Variants in SHANK2 observed in about 807,000 individuals in gnomAD.
SHANK2 encodes the protein SH3 and multiple ankyrin repeat domains protein 2.
A neutral mutation model predicts 133.7 loss-of-function variants in SHANK2; 43 were observed. That is an observed-to-expected ratio of 0.32 (90% confidence interval 0.25 to 0.41). The LOEUF (loss-of-function observed/expected upper bound fraction) is 0.41, where lower values mean the gene tolerates loss of function less well. Among genes scored for constraint, SHANK2 ranks in the 10% least tolerant of loss-of-function variants. The pLI is 1.00. For missense variants in SHANK2, 1,994 were observed against 2,235.8 expected, an observed-to-expected ratio of 0.89 and a Z score of 2.18; for synonymous variants, 1,017 against 952.8, an observed-to-expected ratio of 1.07 and a Z score of -1.24.
intron 2 of SHANK2, among the ~76,000 whole-genome samples, chr11:71,150,901 A>G (rs71473814): frequency 6.6e-6 from 1 of 152,144 alleles, no homozygotes; most frequent in Non-Finnish European, 1.5e-5. Flanking sequence ...AATGGGCTTT[A>G]TAAGAATCCT....
At chr11:70,876,426 A>G (rs1260762553) in intron 11 of SHANK2, among the ~76,000 whole-genome samples, 3 of 149,976 alleles carry the variant, frequency 2.0e-5, no homozygotes, top group Non-Finnish European at 4.5e-5. Context: ...TGGGCGTGGT[A>G]TCGGGCACCT....
At chr11:70,713,368 C>T (rs577739723) in intron 14 of SHANK2, among the ~76,000 whole-genome samples, 6 of 152,354 alleles carry the variant, frequency 3.9e-5, no homozygotes, top group South Asian at 2.1e-4. Context: ...AAGAAGAACA[C>T]GGGTTACAGT....
intron 11 of SHANK2, among the ~76,000 whole-genome samples, chr11:70,862,122 G>A (rs1949269135): frequency 6.6e-6 from 1 of 152,208 alleles, no homozygotes; most frequent in East Asian, 1.9e-4. Flanking sequence ...GGCTGTCTCT[G>A]TTTCAGCTGA....
Position 70,882,224 on chromosome 11 carries a change from T to C in SHANK2, c.1174+14277A>G, listed in dbSNP as rs1333090396. ...AAGGAATGAGCAAGGGAGAAGGAAG[T>C]GGAGGAGAGAAGAACGGGTGGCTCT... is the stretch of plus-strand genomic sequence containing the variant. On this transcript the variant is annotated intron_variant, in intron 11 of 25. Coordinates refer to ENST00000601538, the MANE Select transcript of SHANK2 (RefSeq NM_012309.5). This position sits in a 1 kb window ranked among gnomAD's most constrained non-coding sequence, Gnocchi z 4.2. Among the ~76,000 whole-genome samples the C allele has an allele frequency of 6.6e-6, 1 of 150,966 alleles. No homozygotes were observed. Among genetic ancestry groups the C allele is most frequent in the African/African-American group, 2.4e-5 (1 of 40,968 alleles).
At position 70,797,467 on chromosome 11, in the gene SHANK2, A is replaced by G. The variant is rs1272427400; in HGVS notation, c.1777+976T>C. 4.6e-5 allele frequency among the ~76,000 whole-genome samples: 7 copies of G among 152,008 alleles called. 1 individual carries two copies. Among genetic ancestry groups the G allele is most frequent in the Admixed American group, 2.6e-4 (4 of 15,262 alleles). ...TTGAAGCCAAGATCTCAGACAGAAA[A>G]CCTACTGAGCCTCCCTGCTAGAGAC... On this transcript the variant is annotated intron_variant, in intron 14 of 25. Coordinates refer to ENST00000601538, the MANE Select transcript of SHANK2 (RefSeq NM_012309.5).
intron 3 of SHANK2, among the ~76,000 whole-genome samples, chr11:71,141,338 CAAA>C (rs141530384): frequency 4.1e-5 from 6 of 144,664 alleles, no homozygotes; most frequent in South Asian, 2.2e-4. Flanking sequence ...ACTAAAAATA[CAAA>C]AAAAAAAAAA....
At chr11:71,167,963 G>A (rs1565491436) in intron 2 of SHANK2, among the ~76,000 whole-genome samples, 1 of 145,398 alleles carries the variant, frequency 6.9e-6, no homozygotes, top group Non-Finnish European at 1.5e-5. Flanking sequence ...TGGCTGCCGG[G>A]CAGAGAAGCT....
At chr11:70,844,642 T>C (rs536029133) in intron 11 of SHANK2, among the ~76,000 whole-genome samples, 2 of 152,306 alleles carry the variant, frequency 1.3e-5, no homozygotes, top group South Asian at 2.1e-4. Flanking sequence ...GCTGTTCTTT[T>C]ACATGACAAA....
chr11:70,486,060 C>T lies in SHANK2; in HGVS notation c.4233G>A (p.Leu1411=), dbSNP rs1555153235. The T allele has an allele frequency of 3.1e-6, 5 of 1,614,016 alleles. No homozygotes were observed. Among genetic ancestry groups the T allele is most frequent in the Non-Finnish European group, 4.2e-6 (5 of 1,180,006 alleles). The stretch of plus-strand genomic sequence containing the variant: ...TATTTGCAAATTCCAGGGGAGGAGG[C>T]AATGGCTCTGTAAAAATAAAATCCT... The part of the protein sequence containing the change: ...LDEDFIFTEP[L]PPPLEFANSF... Residue 1411 remains leucine, a synonymous_variant, in exon 25 of 26, where the codon TTG becomes TTA. Transcript: ENST00000601538. This position sits in a 1 kb window ranked among gnomAD's most constrained non-coding sequence, Gnocchi z 8.0.
chr11:70,910,158 G>A (rs1222423794), intron 10 of SHANK2, among the ~76,000 whole-genome samples: 1 of 152,114 alleles, frequency 6.6e-6, no homozygotes, highest in African/African-American at 2.4e-5. Flanking sequence ...CTCTTCAAAG[G>A]TCCCATCTCC....
chr11:70,866,661 G>C (rs1248427566), intron 11 of SHANK2, among the ~76,000 whole-genome samples: 2 of 152,142 alleles, frequency 1.3e-5, no homozygotes, highest in African/African-American at 4.8e-5. Context: ...ATCTCAGTAG[G>C]AATGACTTTT....
At chr11:70,893,209 T>C (rs1249463465) in intron 11 of SHANK2, among the ~76,000 whole-genome samples, 1 of 152,230 alleles carries the variant, frequency 6.6e-6, no homozygotes, top group Non-Finnish European at 1.5e-5. Flanking sequence ...TACTCATTCA[T>C]TCACCCAGAA....
At position 70,739,546 on chromosome 11, in the gene SHANK2, G is replaced by A. The variant is rs372835596; in HGVS notation, c.1778-40783C>T. Among the ~76,000 whole-genome samples, 68 of 152,224 alleles carry A rather than the reference G, an allele frequency of 4.5e-4. 2 individuals carry two copies. In the South Asian group the frequency reaches 0.013, roughly 30 times the overall value. The stretch of plus-strand genomic sequence containing the variant: ...CTGGATCATGACCTGTGGCTGCTGG[G>A]CTCCACCAGATCATGTGATTTGTCT... On this transcript the variant is annotated intron_variant, in intron 14 of 25. Coordinates refer to ENST00000601538, the MANE Select transcript of SHANK2 (RefSeq NM_012309.5). This position sits in a 1 kb window ranked among gnomAD's most constrained non-coding sequence, Gnocchi z 4.3.
chr11:70,939,295 T>G (rs1950613469), intron 10 of SHANK2, among the ~76,000 whole-genome samples: 1 of 151,992 alleles, frequency 6.6e-6, no homozygotes, highest in Non-Finnish European at 1.5e-5. Flanking sequence ...ACCAACATGG[T>G]GAAACCCCAT....
intron 17 of SHANK2, among the ~76,000 whole-genome samples, chr11:70,583,483 T>C (rs1367437244): frequency 1.3e-5 from 2 of 152,196 alleles, no homozygotes; most frequent in Non-Finnish European, 2.9e-5. Context: ...CGGTGAATAC[T>C]GGCAGGTGCG....
At position 70,614,225 on chromosome 11, in the gene SHANK2, G is replaced by C. The variant is rs1262820845; in HGVS notation, c.2061+45603C>G. Among the ~76,000 whole-genome samples, 3 of 152,272 alleles carry C rather than the reference G, an allele frequency of 2.0e-5. No homozygotes were observed. The East Asian group carries it at 5.8e-4, about 29-fold the overall frequency. ...GGGCCTCCTGGAGCCTCTGGAGGGA[G>C]CGCTGCCCTGCTGACACCCTGACCT... is the stretch of plus-strand genomic sequence containing the variant. On this transcript the variant is annotated intron_variant, in intron 17 of 25. Transcript: ENST00000601538.
intron 2 of SHANK2, among the ~76,000 whole-genome samples, chr11:71,167,123 A>C (rs1953168841): frequency 1.3e-5 from 2 of 152,044 alleles, no homozygotes; most frequent in African/African-American, 4.8e-5. Flanking sequence ...ACAGATCAAC[A>C]GGATCCCAAG....
intron 2 of SHANK2, among the ~76,000 whole-genome samples, chr11:71,209,247 A>G (rs1042772558): frequency 1.3e-5 from 2 of 152,296 alleles, no homozygotes; most frequent in Admixed American, 1.3e-4. Flanking sequence ...CTTGAGGAAA[A>G]CCACAGGGCC....
At chr11:71,066,148 TGGG>T (rs1375268040) in intron 9 of SHANK2, among the ~76,000 whole-genome samples, 1 of 1,788 alleles carries the variant, frequency 5.6e-4, no homozygotes, top group African/African-American at 2.5e-3. Context: ...GGAAGTTGGG[TGGG>T]GGGGGTGCAG....
Sources: gnomAD v4.1 joint callset for allele counts (sites outside exome capture counted in the v4.1 genomes callset) on GRCh38, gnomAD v4.1.1 for gene constraint, Gnocchi (gnomAD v3.1) non-coding constraint, MANE v1.5 for transcripts, NCBI Gene and HGNC (gene_info 2026-07-23, HGNC 2026-07-21) for gene names.